Variants in ITPR2 observed in about 807,000 individuals in gnomAD.
The protein encoded by ITPR2 is inositol 1,4,5-trisphosphate receptor type 2, also known as inositol 1,4,5-trisphosphate-gated calcium channel ITPR2.
Under a neutral mutation model 317.1 loss-of-function variants are expected in ITPR2, and 207 were observed. The observed-to-expected ratio is 0.65, with a 90% CI of 0.58 to 0.73. The LOEUF is 0.73. ITPR2 is among the 30% of genes least tolerant of loss of function. The probability of loss-of-function intolerance (pLI) is 0.00; values close to 1 mark genes in which losing one functional copy is unlikely to be tolerated. For synonymous variants in ITPR2, 1,156 were observed against 1,149.1 expected (o/e 1.01, Z -0.12); for missense variants, 2,613 against 3,284.0 (o/e 0.80, Z 4.99).
chr12:26,788,155 C>T (rs1484766929), intron 2 of ITPR2, among the ~76,000 whole-genome samples: 1 of 152,164 alleles, frequency 6.6e-6, no homozygotes, highest in East Asian at 1.9e-4. Context: ...CTCCCGACCT[C>T]AGGTGATCCA....
chr12:26,646,960 CTATT>C lies in ITPR2; in HGVS notation c.2740+7012_2740+7015del, dbSNP rs753184461. Among the ~76,000 whole-genome samples, 74 of 152,286 alleles carry C rather than the reference CTATT, an allele frequency of 4.9e-4. 1 individual carries two copies. The East Asian group carries it at 7.1e-3, about 15-fold the overall frequency. On this transcript the variant is annotated intron_variant, in intron 21 of 56. Transcript: ENST00000381340. Reference sequence around the variant, plus strand: ...CAAAATGAGAGAAGCTATGAAGAAACTATTTAGCTCTTGGTTGGTCTTTTGGTAG... The same window carrying C: ...CAAAATGAGAGAAGCTATGAAGAAACTAGCTCTTGGTTGGTCTTTTGGTAG...
chr12:26,527,022 A>G (rs756771117), intron 37 of ITPR2, among the ~76,000 whole-genome samples: 9 of 152,224 alleles, frequency 5.9e-5, no homozygotes, highest in Non-Finnish European at 1.2e-4. Flanking sequence ...AGTACCAAAC[A>G]GCCCCTAATG....
chr12:26,455,211 T>C (rs1464487411), intron 45 of ITPR2, among the ~76,000 whole-genome samples: 1 of 151,956 alleles, frequency 6.6e-6, no homozygotes. Context: ...CGAGATAATT[T>C]TCAGGAACTT....
intron 24 of ITPR2, among the ~76,000 whole-genome samples, chr12:26,622,899 G>A (rs1946532868): frequency 6.6e-6 from 1 of 152,160 alleles, no homozygotes; most frequent in Non-Finnish European, 1.5e-5. Flanking sequence ...GGTTCCACTG[G>A]AACAAAAGGT....
intron 2 of ITPR2, among the ~76,000 whole-genome samples, chr12:26,743,092 A>G (rs1949262481): frequency 6.6e-6 from 1 of 152,238 alleles, no homozygotes. Context: ...AAACTTGTGA[A>G]TACACTAAAA....
At chr12:26,394,449 T>G (rs1049281577) in intron 54 of ITPR2, among the ~76,000 whole-genome samples, 1 of 151,176 alleles carries the variant, frequency 6.6e-6, no homozygotes, top group African/African-American at 2.4e-5. Context: ...AGGGCAGGAG[T>G]TCAACAGCGT....
At chr12:26,815,551 A>T (rs1462002341) in intron 1 of ITPR2, among the ~76,000 whole-genome samples, 3 of 152,208 alleles carry the variant, frequency 2.0e-5, no homozygotes, top group African/African-American at 7.2e-5. Flanking sequence ...AATTCTAGTC[A>T]AGGAAGATAT....
chr12:26,350,607 A>C (rs1195387801), intron 55 of ITPR2, among the ~76,000 whole-genome samples: 5 of 152,044 alleles, frequency 3.3e-5, no homozygotes, highest in African/African-American at 1.2e-4. Flanking sequence ...ACCAAGTGTG[A>C]TGAGGACCCT....
intron 14 of ITPR2, among the ~76,000 whole-genome samples, chr12:26,665,196 G>A (rs770966874): frequency 3.9e-5 from 6 of 152,186 alleles, no homozygotes; most frequent in East Asian, 1.9e-4. Context: ...CAGAGCACTC[G>A]TGAGCTGATG....
At chr12:26,510,299 T>G (rs969171005) in intron 37 of ITPR2, among the ~76,000 whole-genome samples, 2 of 152,156 alleles carry the variant, frequency 1.3e-5, no homozygotes, top group African/African-American at 4.8e-5. Context: ...TTACTCCTTC[T>G]CATAAAATAA....
intron 45 of ITPR2, among the ~76,000 whole-genome samples, chr12:26,458,529 ATTACTTTGTTCTCCC>A (rs1208671062): frequency 5.9e-5 from 9 of 152,314 alleles, no homozygotes; most frequent in African/African-American, 2.2e-4. Context: ...ATGTGTGTTT[ATTACTTTGTTCTCCC>A]TTACTTTGTG....
intron 2 of ITPR2, among the ~76,000 whole-genome samples, chr12:26,759,228 T>C (rs1389273141): frequency 6.6e-6 from 1 of 152,240 alleles, no homozygotes; most frequent in Non-Finnish European, 1.5e-5. Flanking sequence ...AAGAATTTCT[T>C]TTAGTAACAA....
At chr12:26,756,442 C>T (rs1949521307) in intron 2 of ITPR2, among the ~76,000 whole-genome samples, 9 of 152,190 alleles carry the variant, frequency 5.9e-5, no homozygotes, top group Admixed American at 5.9e-4. Flanking sequence ...GGAAAGCCTT[C>T]TTACTTGGTT....
chr12:26,361,839 G>C (rs1056720797), intron 55 of ITPR2, among the ~76,000 whole-genome samples: 1 of 152,186 alleles, frequency 6.6e-6, no homozygotes, highest in Admixed American at 6.5e-5. Context: ...TGCACTATCA[G>C]TTTAGGCAGC....
intron 10 of ITPR2, among the ~76,000 whole-genome samples, chr12:26,693,367 T>C (rs1948275700): frequency 6.6e-6 from 1 of 152,188 alleles, no homozygotes; most frequent in Admixed American, 6.5e-5. Flanking sequence ...TCACCATGGA[T>C]ATATGATCAT....
chr12:26,427,329 T>G (rs1160081438), intron 49 of ITPR2, among the ~76,000 whole-genome samples: 1 of 152,144 alleles, frequency 6.6e-6, no homozygotes, highest in Non-Finnish European at 1.5e-5. Flanking sequence ...TAAAATTATT[T>G]CTATAAATGT....
chr12:26,671,433 C>T (rs10842772), intron 13 of ITPR2, among the ~76,000 whole-genome samples: 33,036 of 151,680 alleles, frequency 0.22, 4,436 homozygotes, highest in African/African-American at 0.38. Flanking sequence ...CCCAGAATTT[C>T]ATATCCAGCC....
intron 11 of ITPR2, among the ~76,000 whole-genome samples, chr12:26,684,789 C>T (rs1436364939): frequency 6.6e-6 from 1 of 152,060 alleles, no homozygotes; most frequent in Non-Finnish European, 1.5e-5. Flanking sequence ...GGTTAGAGTT[C>T]AAGAAGGACT....
At chr12:26,804,394 T>C (rs1950608083) in intron 1 of ITPR2, among the ~76,000 whole-genome samples, 1 of 152,200 alleles carries the variant, frequency 6.6e-6, no homozygotes, top group African/African-American at 2.4e-5. Context: ...ATGACAGATA[T>C]ACCTTCTTCT....
Sources: gnomAD v4.1 joint callset for allele counts (sites outside exome capture counted in the v4.1 genomes callset) on GRCh38, gnomAD v4.1.1 for gene constraint, MANE v1.5 for transcripts, NCBI Gene and HGNC (gene_info 2026-07-23, HGNC 2026-07-21) for gene names.